Variants in GPRC5B observed in about 807,000 individuals in gnomAD.
GPRC5B encodes the protein G protein-coupled receptor class C group 5 member B.
GPRC5B carries 16 observed loss-of-function variants against 30.1 expected under a neutral mutation model. The ratio of observed to expected loss-of-function variants is 0.53; its 90% CI spans 0.36 to 0.81. The LOEUF is 0.81. Ranked by LOEUF, GPRC5B falls within the 30% of genes least tolerant of loss-of-function variation. GPRC5B has a pLI of 0.01. For synonymous variants in GPRC5B, 241 were observed against 239.5 expected, an observed-to-expected ratio of 1.01 and a Z score of -0.06; for missense variants, 428 against 544.7, an observed-to-expected ratio of 0.79 and a Z score of 2.13.
chr16:19,863,066 G>A (rs780211057), intron 2 of GPRC5B, among the ~76,000 whole-genome samples: 15 of 152,116 alleles, frequency 9.9e-5, no homozygotes, highest in African/African-American at 3.1e-4. Flanking sequence ...CCAACCAGGA[G>A]CCAGGCACTG....
At chr16:19,883,487 C>G (rs969792153) in intron 1 of GPRC5B, among the ~76,000 whole-genome samples, 7 of 152,268 alleles carry the variant, frequency 4.6e-5, no homozygotes, top group Non-Finnish European at 7.3e-5. Flanking sequence ...TCCGCAAGCC[C>G]GAGTCCCCAC....
At chr16:19,880,337 C>T (rs796177144) in intron 1 of GPRC5B, among the ~76,000 whole-genome samples, 1 of 150,878 alleles carries the variant, frequency 6.6e-6, no homozygotes, top group Non-Finnish European at 1.5e-5. Flanking sequence ...TGCCTGTAAT[C>T]CCAGCACTCT....
rs200955705 is a variant in GPRC5B at position 19,871,984 on chromosome 16, C to A, written c.862G>T (p.Ala288Ser). The A allele has an allele frequency of 1.2e-6, 2 of 1,614,034 alleles. No individual in the cohort carries two copies. Among genetic ancestry groups the A allele is most frequent in the South Asian group, 2.2e-5 (2 of 91,080 alleles). ...ASGWVFVIFH[A>S]IPEIHCTLLP... is the part of the protein sequence containing the mutation. ...AGGGTGCAGTGGATCTCAGGGATGGCGTGGAAGATGACGAAGACCCAGCCG... is the reference window on the plus strand; with the variant it reads ...AGGGTGCAGTGGATCTCAGGGATGGAGTGGAAGATGACGAAGACCCAGCCG... The change falls in exon 2 of 4, where the codon GCC (alanine) becomes TCC (serine). Residue 288 changes from alanine (A) to serine (S), a missense_variant. Physicochemically the swap from Ala to Ser is moderately conservative, Grantham distance 99. Transcript: ENST00000300571.
rs571055875 is a variant in GPRC5B at position 19,857,291 on chromosome 16, G to A, written c.*3209C>T. 96 of 348,678 alleles carry A rather than the reference G, an allele frequency of 2.8e-4. 1 individual carries two copies. Among genetic ancestry groups the A allele is most frequent in the East Asian group, 1.2e-3 (13 of 10,766 alleles). The allele number at this position is 348,678 out of a possible 1,614,324, so 21.6% of individuals were successfully genotyped here. A position where few individuals can be genotyped will look rare whatever the true frequency, so the allele number is the denominator to read the frequency against. Reference sequence around the variant, plus strand: ...GGGTTGTTTTGACAAGCTACCACACGTCTTAAGTAAATAGTAAAGCCTTTA... The same window carrying A: ...GGGTTGTTTTGACAAGCTACCACACATCTTAAGTAAATAGTAAAGCCTTTA... On this transcript the variant is annotated 3_prime_UTR_variant, in exon 4 of 4. Coordinates refer to ENST00000300571, the MANE Select transcript of GPRC5B (RefSeq NM_016235.3).
rs1430144565 is a variant in GPRC5B, at chr16:19,872,052, T to C, written c.794A>G (p.Asp265Gly). The C allele has an allele frequency of 6.2e-7, 1 of 1,613,624 alleles. No individual in the cohort carries two copies. Among genetic ancestry groups the C allele is most frequent in the African/African-American group, 1.3e-5 (1 of 74,816 alleles). The part of the protein sequence containing the change: ...LFGNVKLQQG[D>G]AWNDPTLAIT... Reference sequence around the variant, plus strand: ...GGCCAAGGTGGGGTCGTTCCAGGCATCCCCCTGCTGCAGCTTGACATTGCC... The same window carrying C: ...GGCCAAGGTGGGGTCGTTCCAGGCACCCCCCTGCTGCAGCTTGACATTGCC... The change falls in exon 2 of 4, where the codon GAT (aspartate) becomes GGT (glycine). Residue 265 changes from aspartate to glycine, a missense_variant. By Grantham distance (94) the Asp-to-Gly change is moderately conservative. This residue lies in a region of GPRC5B where 213 missense variants were observed against 229.1 expected (regional missense o/e 0.93). Transcript: ENST00000300571. This position sits in a 1 kb window ranked among gnomAD's most constrained non-coding sequence, Gnocchi z 5.0.
In GPRC5B at chr16:19,872,812, G is replaced by A; in HGVS notation, c.34C>T (p.His12Tyr). Residue 12 changes from histidine (H) to tyrosine (Y), a missense_variant, in exon 2 of 4, where the codon CAC (histidine) becomes TAC (tyrosine). Transcript: ENST00000300571. The surrounding 1 kb of genome is among the most constrained non-coding windows in gnomAD (Gnocchi z 5.0). ...AGCAGGAGGAAGGTGAGCACCTGGT[G>A]AGCTCTCATCTTTCTCTCTGATGCC... ...FVASERKMRA[H>Y]QVLTFLLLFV... The A allele has an allele frequency of 6.2e-7, 1 of 1,613,674 alleles. No homozygotes were observed. Among genetic ancestry groups the A allele is most frequent in the South Asian group, 1.1e-5 (1 of 91,074 alleles).
rs147162575 is a variant in GPRC5B at position 19,870,005 on chromosome 16, G to A, written c.1030+1811C>T. Among the ~76,000 whole-genome samples, 653 of 152,254 alleles carry A rather than the reference G, an allele frequency of 4.3e-3. 5 individuals carry two copies. The highest frequency in any genetic ancestry group is 0.015 in the African/African-American group (637 of 41,544). On this transcript the variant is annotated intron_variant, in intron 2 of 3. Transcript: ENST00000300571. ...TGGGAGGACTGCTTGGGCCCAGGAG[G>A]TCAAGGCTGCAGTGAACTGTGATTG...
intron 2 of GPRC5B, among the ~76,000 whole-genome samples, chr16:19,868,583 C>A (rs1459348499): frequency 6.6e-6 from 1 of 152,124 alleles, no homozygotes; most frequent in Non-Finnish European, 1.5e-5. Context: ...TGATCTCTGT[C>A]CTGATCCCTA....
At chr16:19,880,442 T>TAAAATAAAAC (rs57129867) in intron 1 of GPRC5B, among the ~76,000 whole-genome samples, 3,625 of 151,050 alleles carry the variant, frequency 0.024, 146 homozygotes, top group African/African-American at 0.079. Flanking sequence ...TAAAATAAAA[T>TAAAATAAAAC]AAAATAAAAT....
chr16:19,871,552 G>T (rs183408676), intron 2 of GPRC5B, among the ~76,000 whole-genome samples: 20 of 152,220 alleles, frequency 1.3e-4, no homozygotes, highest in African/African-American at 4.6e-4. Flanking sequence ...AACCCAGGAG[G>T]CGGAGGTTGC....
upstream of GPRC5B, chr16:19,885,270 G>A (rs774789413): frequency 1.6e-6 from 2 of 1,285,026 alleles, no homozygotes; most frequent in East Asian, 1.1e-4. The surrounding 1 kb of genome is among the most constrained non-coding windows in gnomAD (Gnocchi z 5.3). Flanking sequence ...ACGCTCCAAG[G>A]GGGGTTCATA....
At chr16:19,875,241 C>T (rs7498856) in intron 1 of GPRC5B, among the ~76,000 whole-genome samples, 106,246 of 152,096 alleles carry the variant, frequency 0.7, 37,635 homozygotes, top group East Asian at 0.85. Flanking sequence ...AGAAGGCATC[C>T]GGCCAGCATT....
chr16:19,865,298 G>A (rs1597624696), intron 2 of GPRC5B, among the ~76,000 whole-genome samples: 1 of 152,158 alleles, frequency 6.6e-6, no homozygotes, highest in African/African-American at 2.4e-5. Flanking sequence ...TTGCTGAAGA[G>A]GTGGAGAGAT....
chr16:19,858,689 TC>T lies in GPRC5B; in HGVS notation c.*1810del. 1 of 425,052 alleles carries T rather than the reference TC, an allele frequency of 2.4e-6. No homozygotes were observed. The highest frequency in any genetic ancestry group is 4.8e-5 in the South Asian group (1 of 20,908). 26.3% of individuals were successfully genotyped at this position (425,052 alleles called of 1,614,324 possible). A position where few individuals can be genotyped will look rare whatever the true frequency, so the allele number is the denominator to read the frequency against. On this transcript the variant is annotated 3_prime_UTR_variant, in exon 4 of 4. Transcript: ENST00000300571. ...TCCTAGCTTCATTCCCTCCCACCCC[TC>T]CCCAGGACTCTTACGTTTTCTGTCC... is the stretch of plus-strand genomic sequence containing the variant.
upstream of GPRC5B, chr16:19,884,974 G>A: frequency 2.9e-6 from 2 of 686,258 alleles, no homozygotes; most frequent in African/African-American, 2.5e-5. Context: ...CCCCACCCCC[G>A]GTCCCGCCGG....
Position 19,857,120 on chromosome 16 carries a change from A to C in GPRC5B, c.*3380T>G, listed in dbSNP as rs1458963935. On this transcript the variant is annotated 3_prime_UTR_variant, in exon 4 of 4. Coordinates refer to ENST00000300571, the MANE Select transcript of GPRC5B (RefSeq NM_016235.3). ...AGGATTTTTGTTGTCTAAGTCCCAA[A>C]GTATTATATAGAAAGTTCCTGCTTT... 2 of 185,634 alleles carry C rather than the reference A, an allele frequency of 1.1e-5. No individual in the cohort carries two copies. The highest frequency in any genetic ancestry group is 4.8e-5 in the African/African-American group (2 of 41,660). The allele number at this position is 185,634 out of a possible 1,614,324, so 11.5% of individuals were successfully genotyped here.
At chr16:19,877,643 C>T (rs952944606) in intron 1 of GPRC5B, among the ~76,000 whole-genome samples, 2 of 152,278 alleles carry the variant, frequency 1.3e-5, no homozygotes, top group African/African-American at 2.4e-5. Flanking sequence ...GTTCTAGGCA[C>T]TCTGTGTACT....
upstream of GPRC5B, chr16:19,884,961 G>C (rs1432678041): frequency 2.5e-6 from 2 of 789,390 alleles, no homozygotes; most frequent in Non-Finnish European, 1.5e-6. Flanking sequence ...CCGGGCCTCC[G>C]AGCCCCACCC....
At position 19,872,601 on chromosome 16, in the gene GPRC5B, G is replaced by A; in HGVS notation, c.245C>T (p.Pro82Leu). The change falls in exon 2 of 4, where the codon CCC (proline) becomes CTC (leucine). Residue 82 changes from proline to leucine, a missense_variant. Transcript: ENST00000300571. The surrounding 1 kb of genome is among the most constrained non-coding windows in gnomAD (Gnocchi z 5.0). ...CTTCTTCTCCTTCTCCTTGATGAAG[G>A]GCAGCCGCACCAGGAGGATGAGCAT... ...LLMLILLVRL[P>L]FIKEKEKKSP... 1.2e-6 allele frequency: 2 copies of A among 1,614,006 alleles called. No homozygotes were observed. The highest frequency in any genetic ancestry group is 1.7e-6 in the Non-Finnish European group (2 of 1,179,898).
Sources: allele counts gnomAD v4.1 joint callset (sites outside exome capture counted in the v4.1 genomes callset), GRCh38; gene constraint gnomAD v4.1.1; regional missense constraint gnomAD v4.1.1; non-coding constraint Gnocchi (gnomAD v3.1); transcripts MANE v1.5; gene names NCBI Gene and HGNC (gene_info 2026-07-23, HGNC 2026-07-21).